LPIN2: variants seen among roughly 807,000 people sequenced by gnomAD.
LPIN2 encodes phosphatidate phosphatase LPIN2.
Under a neutral mutation model 111.4 loss-of-function variants are expected in LPIN2, and 55 were observed. The ratio of observed to expected loss-of-function variants is 0.49; its 90% CI spans 0.40 to 0.62. LPIN2 has a LOEUF of 0.62. LPIN2 is among the 20% of genes least tolerant of loss of function. The pLI is 0.00. For missense variants in LPIN2, 992 were observed against 1,112.1 expected, an observed-to-expected ratio of 0.89 and a Z score of 1.54; for synonymous variants, 425 against 414.0, an observed-to-expected ratio of 1.03 and a Z score of -0.32.
At chr18:3,006,551 G>C (rs2078518013) in intron 1 of LPIN2, among the ~76,000 whole-genome samples, 1 of 152,070 alleles carries the variant, frequency 6.6e-6, no homozygotes, top group East Asian at 1.9e-4. Context: ...AATTAGCCAA[G>C]CATGGGCCGG....
At chr18:2,984,811 A>C (rs182463697) in intron 1 of LPIN2, among the ~76,000 whole-genome samples, 1 of 152,248 alleles carries the variant, frequency 6.6e-6, no homozygotes, top group African/African-American at 2.4e-5. Flanking sequence ...GAAGCCCCCC[A>C]GTTTCTGGTT....
chr18:2,939,391 CAG>C lies in LPIN2; in HGVS notation c.822+87_822+88del. 3 of 1,517,240 alleles carry C rather than the reference CAG, an allele frequency of 2.0e-6. No homozygotes were observed. The East Asian group carries it at 6.9e-5, about 35-fold the overall frequency. 94.0% of individuals were successfully genotyped at this position (1,517,240 alleles called of 1,614,324 possible). ...TCATTTACATTCATGAGAGCTCAGT[CAG>C]AAATTGCCTCCTTTACTTATGGGCA... is the stretch of plus-strand genomic sequence containing the variant. On this transcript the variant is annotated intron_variant, in intron 6 of 19. Coordinates refer to ENST00000677752, the MANE Select transcript of LPIN2 (RefSeq NM_001375808.2).
At chr18:2,951,446 T>C (rs1020625413) in intron 3 of LPIN2, 90 bp from the exon 4 acceptor site, 19 of 1,013,280 alleles carry the variant, frequency 1.9e-5, no homozygotes, top group Middle Eastern at 6.0e-4. Context: ...ATTTTCACCA[T>C]GGTAAAAAAA....
chr18:2,974,364 C>A (rs1264729188), intron 1 of LPIN2, among the ~76,000 whole-genome samples: 2 of 152,212 alleles, frequency 1.3e-5, no homozygotes, highest in African/African-American at 2.4e-5. Context: ...CAGGCGTGAG[C>A]CACCGCGCCT....
intron 9 of LPIN2, 48 bp from the exon 10 acceptor site, chr18:2,929,206 C>A: frequency 8.6e-7 from 1 of 1,165,252 alleles, no homozygotes; most frequent in South Asian, 1.2e-5. Context: ...ACATAAATCC[C>A]TATATGAGAT....
rs2077122627 is a variant in LPIN2, at chr18:2,925,782, GAC to G, written c.1794-416_1794-415del. 6.6e-6 allele frequency among the ~76,000 whole-genome samples: 1 copy of G among 152,198 alleles called. No homozygotes were observed. Among genetic ancestry groups the G allele is most frequent in the Admixed American group, 6.5e-5 (1 of 15,280 alleles). On this transcript the variant is annotated intron_variant, in intron 13 of 19. Transcript: ENST00000677752. This position sits in a 1 kb window ranked among gnomAD's most constrained non-coding sequence, Gnocchi z 4.1. ...ACACTTTGGGAGGCCGAGTTAGGAGGACACCTTGAGCCCAGGAGTTTGAGACC... is the reference window on the plus strand; with the variant it reads ...ACACTTTGGGAGGCCGAGTTAGGAGGACCTTGAGCCCAGGAGTTTGAGACC...
At chr18:2,967,327 C>T (rs578261168) in intron 1 of LPIN2, among the ~76,000 whole-genome samples, 1 of 152,172 alleles carries the variant, frequency 6.6e-6, no homozygotes, top group Admixed American at 6.5e-5. Flanking sequence ...TCAGGTTATA[C>T]TAAATCCCTA....
intron 4 of LPIN2, among the ~76,000 whole-genome samples, chr18:2,947,828 C>T (rs2077477797): frequency 6.6e-6 from 1 of 152,188 alleles, no homozygotes; most frequent in East Asian, 1.9e-4. Context: ...TTTTCTTTTT[C>T]TCTTAGATTT....
chr18:2,950,206 T>C (rs2077513542), intron 4 of LPIN2: 1 of 152,256 alleles, frequency 6.6e-6, no homozygotes, highest in Non-Finnish European at 1.5e-5. Flanking sequence ...GGGTTTACTC[T>C]TGATATATAT....
intron 1 of LPIN2, among the ~76,000 whole-genome samples, chr18:2,968,569 A>G (rs1034515553): frequency 8.6e-6 from 1 of 116,638 alleles, no homozygotes; most frequent in Non-Finnish European, 2.0e-5. Context: ...AGAGAACAAA[A>G]AGAGAAAAAA....
At chr18:2,964,824 A>T (rs916822096) in intron 1 of LPIN2, among the ~76,000 whole-genome samples, 1 of 152,260 alleles carries the variant, frequency 6.6e-6, no homozygotes, top group Non-Finnish European at 1.5e-5. Flanking sequence ...ACTGAATATT[A>T]CCACGCTCTT....
rs1439739681 is a variant in LPIN2, at chr18:3,002,623, A to G, written c.-10+10464T>C. On this transcript the variant is annotated intron_variant, in intron 1 of 19. Transcript: ENST00000677752. ...CACATGTTGTGCATAACATTTGTAT[A>G]CAAGATTTCTAACTTTGGCACTATG... Among the ~76,000 whole-genome samples, 7 of 152,262 alleles carry G rather than the reference A, an allele frequency of 4.6e-5. No homozygotes were observed. The South Asian group carries it at 1.4e-3, about 31-fold the overall frequency.
rs925229389 is a variant in LPIN2 at position 2,982,775 on chromosome 18, A to G, written c.-9-21926T>C. On this transcript the variant is annotated intron_variant, in intron 1 of 19. Transcript: ENST00000677752. Reference sequence around the variant, plus strand: ...TCATCTTCTAAGTAAAACATCTTGAAATTTAACTAGCATGTCTTTTTTCAG... The same window carrying G: ...TCATCTTCTAAGTAAAACATCTTGAGATTTAACTAGCATGTCTTTTTTCAG... 4.0e-6 allele frequency: 5 copies of G among 1,238,782 alleles called. No individual in the cohort carries two copies. The African/African-American group carries it at 6.2e-5, about 15-fold the overall frequency. 76.7% of individuals were successfully genotyped at this position (1,238,782 alleles called of 1,614,324 possible).
At chr18:2,951,426 G>T in intron 3 of LPIN2, 70 bp from the exon 4 acceptor site, 1 of 1,286,514 alleles carries the variant, frequency 7.8e-7, no homozygotes, top group Non-Finnish European at 1.1e-6. Flanking sequence ...GTAATATTTT[G>T]AATATATAAA....
chr18:2,946,549 T>G (rs756168967), intron 4 of LPIN2: 2 of 1,452,702 alleles, frequency 1.4e-6, no homozygotes, highest in Non-Finnish European at 1.9e-6. Context: ...TTTTTCCCAC[T>G]GTCACAGGCA....
chr18:2,923,792 G>C lies in LPIN2; in HGVS notation c.2157C>G (p.Leu719=), dbSNP rs1284634836. ...KDWTHQGIAK[L]YHSINENGYK... ...GTACCTACTCATTGATGGAATGGTA[G>C]AGCTTTGCTATACCCTGGTGGGTCC... The change falls in exon 16 of 20, where the codon CTC becomes CTG. Residue 719 remains leucine (L), a synonymous_variant. Coordinates refer to ENST00000677752, the MANE Select transcript of LPIN2 (RefSeq NM_001375808.2). 1 of 1,613,932 alleles carries C rather than the reference G, an allele frequency of 6.2e-7. No individual in the cohort carries two copies. The highest frequency in any genetic ancestry group is 8.5e-7 in the Non-Finnish European group (1 of 1,179,888).
Position 2,959,328 on chromosome 18 carries a change from AC to A in LPIN2, c.192+1320del, listed in dbSNP as rs199756814. On this transcript the variant is annotated intron_variant, in intron 2 of 19. Transcript: ENST00000677752. ...AGTTTTGTGAAATCCATTTTCTTTCACTCTCAAAATAACATTTAAGTTTAAT... is the reference window on the plus strand; with the variant it reads ...AGTTTTGTGAAATCCATTTTCTTTCATCTCAAAATAACATTTAAGTTTAAT... Among the ~76,000 whole-genome samples the A allele has an allele frequency of 5.6e-3, 851 of 152,316 alleles. 28 individuals carry two copies. The highest frequency in any genetic ancestry group is 0.05 in the Admixed American group (772 of 15,300).
At position 2,921,580 on chromosome 18, in the gene LPIN2, C is replaced by T. The variant is rs746339892; in HGVS notation, c.2395G>A (p.Ala799Thr). Reference sequence around the variant, plus strand: ...GCATAGAAGGGCTGCTTAGACGGGGCAAACAGATTCTTGATATCATTTAGA... The same window carrying T: ...GCATAGAAGGGCTGCTTAGACGGGGTAAACAGATTCTTGATATCATTTAGA... ...ECLNDIKNLF[A>T]PSKQPFYAAF... The change falls in exon 18 of 20, where the codon GCC becomes ACC. Residue 799 changes from alanine (A) to threonine (T), a missense_variant. Ala to Thr is a moderately conservative substitution (Grantham distance 58). Transcript: ENST00000677752. 2 of 1,614,124 alleles carry T rather than the reference C, an allele frequency of 1.2e-6. No homozygotes were observed. Among genetic ancestry groups the T allele is most frequent in the African/African-American group, 2.7e-5 (2 of 75,040 alleles).
Position 2,921,514 on chromosome 18 carries a change from G to A in LPIN2, c.2442+19C>T. The A allele has an allele frequency of 6.4e-7, 1 of 1,574,086 alleles. No individual in the cohort carries two copies. Reference sequence around the variant, plus strand: ...TGAATTTCACCCACATCAGAACCCAGAGCCCAGGAGATACTCACATTTGGA... The same window carrying A: ...TGAATTTCACCCACATCAGAACCCAAAGCCCAGGAGATACTCACATTTGGA... On this transcript the variant is annotated intron_variant, in intron 18 of 19. Transcript: ENST00000677752.
Sources: allele counts gnomAD v4.1 joint callset (sites outside exome capture counted in the v4.1 genomes callset), GRCh38; gene constraint gnomAD v4.1.1; non-coding constraint Gnocchi (gnomAD v3.1); transcripts MANE v1.5; gene names NCBI Gene and HGNC (gene_info 2026-07-23, HGNC 2026-07-21).